Variants in RFXAP observed in about 807,000 individuals in gnomAD.
The protein encoded by RFXAP is regulatory factor X-associated protein.
RFXAP carries 21 observed loss-of-function variants against 25.7 expected under a neutral mutation model. The ratio of observed to expected loss-of-function variants is 0.82; its 90% confidence interval spans 0.58 to 1.18. The LOEUF (loss-of-function observed/expected upper bound fraction) is 1.18. Ranked by LOEUF, RFXAP falls within the 50% of genes most tolerant of loss-of-function variation. RFXAP has a pLI of 0.00. For missense variants in RFXAP, 333 were observed against 363.0 expected (o/e 0.92, Z 0.67); for synonymous variants, 161 against 152.2 (o/e 1.06, Z -0.43).
At position 36,828,576 on chromosome 13, in the gene RFXAP, A is replaced by G. The variant is rs897066939; in HGVS notation, c.*823A>G. The G allele has an allele frequency of 6.6e-6, 1 of 152,090 alleles. No individual in the cohort carries two copies. Among genetic ancestry groups the G allele is most frequent in the Non-Finnish European group, 1.5e-5 (1 of 67,990 alleles). 9.4% of individuals were successfully genotyped at this position (152,090 alleles called of 1,614,324 possible). On this transcript the variant is annotated 3_prime_UTR_variant, in exon 3 of 3. Transcript: ENST00000255476. ...CTTGTTTGTTGAATTTGTGAACAGT[A>G]TAGATCTCAGCCCACCAATGCCAAG...
intron 1 of RFXAP, among the ~76,000 whole-genome samples, chr13:36,820,613 G>T (rs2057958845): frequency 2.0e-5 from 3 of 152,254 alleles, no homozygotes; most frequent in Middle Eastern, 3.4e-3. Context: ...TATCCTTGTT[G>T]TTAGTACCCT....
Position 36,819,248 on chromosome 13 carries a change from A to C in RFXAP, c.-110A>C. ...GGCGCAGTCGGGGCGCCTTCCCGGT[A>C]TAGGCGCCTTTTACCCCAGCGTGTC... On this transcript the variant is annotated 5_prime_UTR_variant, in exon 1 of 3. Coordinates refer to ENST00000255476, the MANE Select transcript of RFXAP (RefSeq NM_000538.4). 6 of 1,070,032 alleles carry C rather than the reference A, an allele frequency of 5.6e-6. No homozygotes were observed. The highest frequency in any genetic ancestry group is 4.5e-5 in the Admixed American group (1 of 22,394). 66.3% of individuals were successfully genotyped at this position (1,070,032 alleles called of 1,614,324 possible).
At position 36,828,530 on chromosome 13, in the gene RFXAP, G is replaced by C. The variant is rs577898743; in HGVS notation, c.*777G>C. On this transcript the variant is annotated 3_prime_UTR_variant, in exon 3 of 3. Transcript: ENST00000255476. Reference sequence around the variant, plus strand: ...CTCTTTGATGTTACCTGTTAGTGCTGATCTCTTAAAGCAGACATTTCTTGT... The same window carrying C: ...CTCTTTGATGTTACCTGTTAGTGCTCATCTCTTAAAGCAGACATTTCTTGT... 2.0e-5 allele frequency: 3 copies of C among 152,278 alleles called. No individual in the cohort carries two copies. In the East Asian group the frequency reaches 5.8e-4, roughly 29 times the overall value. The allele number at this position is 152,278 out of a possible 1,614,324, so 9.4% of individuals were successfully genotyped here. A position where few individuals can be genotyped will look rare whatever the true frequency, so the allele number is the denominator to read the frequency against.
rs528882868 is a variant in RFXAP, at chr13:36,825,485, C to T, written c.658C>T (p.Arg220Cys). 4.3e-6 allele frequency: 7 copies of T among 1,612,718 alleles called. No individual in the cohort carries two copies. The highest frequency in any genetic ancestry group is 2.7e-5 in the African/African-American group (2 of 74,882). ...VKQRTGSFGD[R>C]PARPTLLEQV... ...ACAAAGAACAGGATCTTTTGGGGAT[C>T]GTCCTGCAAGACCTACTCTTTTAGA... Residue 220 changes from arginine (R) to cysteine (C), a missense_variant, in exon 2 of 3, where the codon CGT becomes TGT. Transcript: ENST00000255476.
chr13:36,824,763 C>T (rs997176061), intron 1 of RFXAP, among the ~76,000 whole-genome samples: 2 of 152,084 alleles, frequency 1.3e-5, no homozygotes, highest in African/African-American at 4.8e-5. Flanking sequence ...GCAGTGAAAT[C>T]TCAGGGTAAT....
At position 36,819,673 on chromosome 13, in the gene RFXAP, G is replaced by A. The variant is rs766906820; in HGVS notation, c.316G>A (p.Ala106Thr). 6.5e-7 allele frequency: 1 copy of A among 1,549,074 alleles called. No individual in the cohort carries two copies. The highest frequency in any genetic ancestry group is 8.7e-7 in the Non-Finnish European group (1 of 1,145,292). The change falls in exon 1 of 3, where the codon GCT becomes ACT. Residue 106 changes from alanine to threonine, a missense_variant. Ala to Thr is a moderately conservative substitution (Grantham distance 58). Transcript: ENST00000255476. ...SDPPGGGESA[A>T]SLEDLEDEET... ...CCCTCCGGGGGGAGGCGAGAGCGCG[G>A]CTAGTTTGGAGGATCTAGAGGACGA...
intron 1 of RFXAP, among the ~76,000 whole-genome samples, chr13:36,821,646 A>G (rs966766493): frequency 6.6e-6 from 1 of 152,188 alleles, no homozygotes; most frequent in Non-Finnish European, 1.5e-5. Context: ...TGGGTGACAG[A>G]GCAAGACTTT....
chr13:36,819,711 G>T lies in RFXAP; in HGVS notation c.354G>T (p.Ser118=). Residue 118 remains serine, a synonymous_variant, in exon 1 of 3, where the codon TCG becomes TCT. Coordinates refer to ENST00000255476, the MANE Select transcript of RFXAP (RefSeq NM_000538.4). ...ATCTAGAGGACGAGGAGACTCACTC[G>T]GGGGGCGAGGGCAGCAGCGGGGGCG... is the stretch of plus-strand genomic sequence containing the variant. The part of the protein sequence containing the change: ...LEDLEDEETH[S]GGEGSSGGAR... The T allele has an allele frequency of 2.6e-6, 4 of 1,550,386 alleles. No individual in the cohort carries two copies. The highest frequency in any genetic ancestry group is 2.6e-6 in the Non-Finnish European group (3 of 1,146,808).
At chr13:36,823,875 G>T (rs2057970346) in intron 1 of RFXAP, among the ~76,000 whole-genome samples, 2 of 152,212 alleles carry the variant, frequency 1.3e-5, no homozygotes, top group Admixed American at 1.3e-4. Context: ...AGAAGCAGTA[G>T]ACTTATATGG....
In RFXAP at chr13:36,821,132, A is replaced by C. The variant is rs567353553; in HGVS notation, c.600+1175A>C. Among the ~76,000 whole-genome samples, 108 of 146,884 alleles carry C rather than the reference A, an allele frequency of 7.4e-4. 2 individuals carry two copies. Among genetic ancestry groups the C allele is most frequent in the African/African-American group, 2.6e-3 (102 of 39,708 alleles). On this transcript the variant is annotated intron_variant, in intron 1 of 2. Transcript: ENST00000255476. ...GAGGGTGAAGTGGGAAGATTGCTTG[A>C]GACCAGGGGTTCGAGGCTGCCGTGA...
chr13:36,826,393 G>A (rs1024734820), intron 2 of RFXAP, among the ~76,000 whole-genome samples: 3 of 152,136 alleles, frequency 2.0e-5, no homozygotes, highest in African/African-American at 4.8e-5. Flanking sequence ...AACAAAAAGT[G>A]AAAATTATTT....
In RFXAP at chr13:36,819,753, C is replaced by G; in HGVS notation, c.396C>G (p.Ser132Arg). 6.4e-7 allele frequency: 1 copy of G among 1,554,754 alleles called. No individual in the cohort carries two copies. The highest frequency in any genetic ancestry group is 8.7e-7 in the Non-Finnish European group (1 of 1,148,840). ...GCGGGGGCGCCCGGAGGCGGGGCAG[C>G]GGTGGGGGCAGCATGAGCAAGACCT... ...GSSGGARRRG[S>R]GGGSMSKTCT... Residue 132 changes from serine to arginine, a missense_variant, in exon 1 of 3, where the codon AGC (serine) becomes AGG (arginine). Ser to Arg is a moderately radical substitution (Grantham distance 110). Transcript: ENST00000255476.
Position 36,819,337 on chromosome 13 carries a change from C to T in RFXAP, c.-21C>T. ...GGTGCTAAAAGCCCGGGGTCGTGGA[C>T]CCCGGCCAGGTCTTAGCAGCATGGA... On this transcript the variant is annotated 5_prime_UTR_variant, in exon 1 of 3. Transcript: ENST00000255476. 8.0e-7 allele frequency: 1 copy of T among 1,252,036 alleles called. No individual in the cohort carries two copies. The highest frequency in any genetic ancestry group is 1.5e-5 in the African/African-American group (1 of 64,660). The allele number at this position is 1,252,036 out of a possible 1,614,324, so 77.6% of individuals were successfully genotyped here. A position where few individuals can be genotyped will look rare whatever the true frequency, so the allele number is the denominator to read the frequency against.
intron 1 of RFXAP, among the ~76,000 whole-genome samples, chr13:36,824,805 A>T (rs2057972919): frequency 6.6e-6 from 1 of 152,172 alleles, no homozygotes; most frequent in Admixed American, 6.5e-5. Flanking sequence ...TGTTTTGTTC[A>T]TACAGTTGGC....
chr13:36,822,373 G>A (rs1593531106), intron 1 of RFXAP, among the ~76,000 whole-genome samples: 1 of 151,796 alleles, frequency 6.6e-6, no homozygotes, highest in Admixed American at 6.6e-5. Context: ...GACCCACCAC[G>A]CCGGCCTAAT....
rs1468185043 is a variant in RFXAP, at chr13:36,819,288, C to A, written c.-70C>A. 3.3e-6 allele frequency: 4 copies of A among 1,223,870 alleles called. No homozygotes were observed. Among genetic ancestry groups the A allele is most frequent in the African/African-American group, 1.6e-5 (1 of 63,982 alleles). The allele number at this position is 1,223,870 out of a possible 1,614,324, so 75.8% of individuals were successfully genotyped here. Reference sequence around the variant, plus strand: ...CCCAGCGTGTCCTGAGTCTTTGGTTCGCGAAGTGCCGTTAGGCCAAGCAGG... The same window carrying A: ...CCCAGCGTGTCCTGAGTCTTTGGTTAGCGAAGTGCCGTTAGGCCAAGCAGG... On this transcript the variant is annotated 5_prime_UTR_variant, in exon 1 of 3. Coordinates refer to ENST00000255476, the MANE Select transcript of RFXAP (RefSeq NM_000538.4).
rs2057954699 is a variant in RFXAP at position 36,819,573 on chromosome 13, G to A, written c.216G>A (p.Arg72=). ...GGSVGAGKPV[R]YLCEGAGDGE... is the part of the protein sequence containing the mutation. The stretch of plus-strand genomic sequence containing the variant: ...GCGTTGGGGCGGGCAAGCCCGTTAG[G>A]TACCTGTGCGAAGGGGCCGGGGATG... The change falls in exon 1 of 3, where the codon AGG becomes AGA. Residue 72 remains arginine, a synonymous_variant. Coordinates refer to ENST00000255476, the MANE Select transcript of RFXAP (RefSeq NM_000538.4). 1.3e-6 allele frequency: 2 copies of A among 1,529,784 alleles called. No homozygotes were observed. The highest frequency in any genetic ancestry group is 1.2e-5 in the South Asian group (1 of 80,876). 94.8% of individuals were successfully genotyped at this position (1,529,784 alleles called of 1,614,324 possible). A position where few individuals can be genotyped will look rare whatever the true frequency, so the allele number is the denominator to read the frequency against.
rs201926069 is a variant in RFXAP, at chr13:36,819,813, G to C, written c.456G>C (p.Gln152His). The C allele has an allele frequency of 4.6e-5, 73 of 1,597,642 alleles. No homozygotes were observed. The African/African-American group carries it at 9.6e-4, about 21-fold the overall frequency. The change falls in exon 1 of 3, where the codon CAG (glutamine) becomes CAC (histidine). Residue 152 changes from glutamine to histidine, a missense_variant. Coordinates refer to ENST00000255476, the MANE Select transcript of RFXAP (RefSeq NM_000538.4). The part of the protein sequence containing the change: ...TYEGCSETTS[Q>H]VAKQRKPWMC... ...AAGGCTGCAGCGAGACCACGAGCCAGGTGGCCAAGCAGCGCAAACCGTGGA... is the reference window on the plus strand; with the variant it reads ...AAGGCTGCAGCGAGACCACGAGCCACGTGGCCAAGCAGCGCAAACCGTGGA...
rs1365865743 is a variant in RFXAP at position 36,819,638 on chromosome 13, A to C, written c.281A>C (p.Asp94Ala). 7.8e-6 allele frequency: 12 copies of C among 1,546,460 alleles called. No individual in the cohort carries two copies. Among genetic ancestry groups the C allele is most frequent in the Non-Finnish European group, 1.0e-5 (12 of 1,143,614 alleles). ...GGGGAGGACGAGGCGGACCTGTTAG[A>C]CACTTCGGACCCTCCGGGGGGAGGC... ...EAGEDEADLLDTSDPPGGGES... is the reference protein window; with the variant it reads ...EAGEDEADLLATSDPPGGGES... Residue 94 changes from aspartate to alanine, a missense_variant, in exon 1 of 3, where the codon GAC (aspartate) becomes GCC (alanine). Asp to Ala is a moderately radical substitution (Grantham distance 126). Transcript: ENST00000255476.
Sources: allele counts gnomAD v4.1 joint callset (sites outside exome capture counted in the v4.1 genomes callset), GRCh38; gene constraint gnomAD v4.1.1; transcripts MANE v1.5; gene names NCBI Gene and HGNC (gene_info 2026-07-23, HGNC 2026-07-21).